COP1: variants seen among roughly 807,000 people sequenced by gnomAD.
The protein encoded by COP1 is COP1 E3 ubiquitin ligase, also known as E3 ubiquitin-protein ligase COP1.
COP1 carries 24 observed loss-of-function variants against 101.3 expected under a neutral mutation model. That is an observed-to-expected ratio of 0.24 (90% CI 0.17 to 0.33). COP1 has a LOEUF of 0.33. Among genes scored for constraint, COP1 ranks in the 10% least tolerant of loss-of-function variants. The pLI, the probability that COP1 is intolerant of heterozygous loss-of-function variation, is 1.00. For missense variants in COP1, 663 were observed against 906.2 expected, an observed-to-expected ratio of 0.73 and a Z score of 3.45; for synonymous variants, 347 against 341.9, an observed-to-expected ratio of 1.01 and a Z score of -0.17.
intron 18 of COP1, among the ~76,000 whole-genome samples, chr1:175,964,774 G>A (rs1651792293): frequency 6.6e-6 from 1 of 152,164 alleles, no homozygotes; most frequent in African/African-American, 2.4e-5. Context: ...GAGAAACATG[G>A]CTGAATTTAA....
At chr1:176,067,109 G>A (rs765079452) in intron 11 of COP1, among the ~76,000 whole-genome samples, 2 of 152,120 alleles carry the variant, frequency 1.3e-5, no homozygotes, top group African/African-American at 2.4e-5. Flanking sequence ...GTAGATATAT[G>A]CCATATATTA....
rs1652023213 is a variant in COP1 at position 175,966,293 on chromosome 1, A to G, written c.2134-19054T>C. 4.2e-5 allele frequency among the ~76,000 whole-genome samples: 5 copies of G among 118,284 alleles called. No individual in the cohort carries two copies. The Admixed American group carries it at 4.5e-4, about 11-fold the overall frequency. The allele number at this position is 118,284 out of a possible 152,430, so 77.6% of individuals were successfully genotyped here. On this transcript the variant is annotated intron_variant, in intron 18 of 19. Transcript: ENST00000367669. ...TTGTGTTTGCAATACACACACACAC[A>G]CACACACACACACACACACACAAAC... is the stretch of plus-strand genomic sequence containing the variant.
At chr1:175,995,942 C>A (rs1326640394) in intron 15 of COP1, among the ~76,000 whole-genome samples, 1 of 151,964 alleles carries the variant, frequency 6.6e-6, no homozygotes, top group East Asian at 1.9e-4. Flanking sequence ...GAGACACAAC[C>A]AAAAAAGAGA....
chr1:175,956,766 C>T (rs1650705760), intron 18 of COP1, among the ~76,000 whole-genome samples: 1 of 152,036 alleles, frequency 6.6e-6, no homozygotes, highest in African/African-American at 2.4e-5. Context: ...GATTATACTC[C>T]TTCTACTTAT....
At chr1:176,097,399 C>T (rs1204320872) in intron 9 of COP1, among the ~76,000 whole-genome samples, 1 of 152,086 alleles carries the variant, frequency 6.6e-6, no homozygotes, top group East Asian at 1.9e-4. Flanking sequence ...GCCTTAGAAG[C>T]TGAATGTTTT....
At chr1:176,042,205 A>G (rs1439015000) in intron 14 of COP1, among the ~76,000 whole-genome samples, 3 of 138,336 alleles carry the variant, frequency 2.2e-5, no homozygotes, top group African/African-American at 8.1e-5. Context: ...CGGGAGGTGG[A>G]GGTTGCAGTG....
At chr1:176,153,805 T>C (rs1433796277) in intron 5 of COP1, among the ~76,000 whole-genome samples, 3 of 152,232 alleles carry the variant, frequency 2.0e-5, no homozygotes, top group Non-Finnish European at 4.4e-5. Context: ...GAAGGAGGGC[T>C]GAATTTTGTT....
chr1:176,033,849 T>C (rs922367289), intron 14 of COP1, among the ~76,000 whole-genome samples: 1 of 152,102 alleles, frequency 6.6e-6, no homozygotes, highest in African/African-American at 2.4e-5. Flanking sequence ...ATACAAAATA[T>C]AGAAAATAAG....
intron 11 of COP1, among the ~76,000 whole-genome samples, chr1:176,047,412 T>A (rs1004059939): frequency 1.3e-5 from 2 of 152,146 alleles, no homozygotes; most frequent in East Asian, 3.9e-4. Flanking sequence ...AGTCAATCTG[T>A]AAGTGGCTGA....
At chr1:175,958,761 C>G (rs1459619695) in intron 18 of COP1, among the ~76,000 whole-genome samples, 2 of 151,862 alleles carry the variant, frequency 1.3e-5, no homozygotes, top group African/African-American at 4.8e-5. Context: ...CCTATAAAAA[C>G]TTACCCAACT....
At chr1:175,972,496 G>C (rs1419484442) in intron 18 of COP1, among the ~76,000 whole-genome samples, 1 of 143,236 alleles carries the variant, frequency 7.0e-6, no homozygotes, top group Non-Finnish European at 1.5e-5. Context: ...GACAGAGTCT[G>C]GCTGTGTTGC....
At chr1:176,046,094 C>T (rs1366734184) in intron 12 of COP1, 87 bp downstream of exon 12, 2 of 1,042,736 alleles carry the variant, frequency 1.9e-6, no homozygotes, top group African/African-American at 1.6e-5. Flanking sequence ...TAAAAAGTGT[C>T]ATGCAAAGGT....
At chr1:176,198,871 G>A (rs765051539) in intron 1 of COP1, among the ~76,000 whole-genome samples, 39 of 152,154 alleles carry the variant, frequency 2.6e-4, no homozygotes, top group Non-Finnish European at 5.0e-4. Context: ...ACATAACAAT[G>A]TGATAAAACT....
At chr1:176,086,788 C>T (rs944979850) in intron 9 of COP1, among the ~76,000 whole-genome samples, 2 of 152,142 alleles carry the variant, frequency 1.3e-5, no homozygotes, top group Non-Finnish European at 2.9e-5. Context: ...CAAAAAAGAG[C>T]CCACATTGCC....
chr1:176,178,972 T>A (rs1002930409), intron 2 of COP1, among the ~76,000 whole-genome samples: 7 of 145,076 alleles, frequency 4.8e-5, no homozygotes, highest in Non-Finnish European at 9.1e-5. Context: ...GTCAGGAGAA[T>A]TTTTTTTTTT....
chr1:176,196,051 A>G (rs1190963975), intron 1 of COP1, among the ~76,000 whole-genome samples: 1 of 152,240 alleles, frequency 6.6e-6, no homozygotes, highest in African/African-American at 2.4e-5. Context: ...CATGTTTCAA[A>G]TAAGAAATCA....
intron 18 of COP1, among the ~76,000 whole-genome samples, chr1:175,955,963 T>C (rs549326927): frequency 2.6e-5 from 4 of 152,268 alleles, no homozygotes; most frequent in African/African-American, 7.2e-5. Flanking sequence ...ATTAAAATCA[T>C]ACAAACTTTT....
At chr1:176,033,403 G>A (rs942417795) in intron 14 of COP1, among the ~76,000 whole-genome samples, 1 of 151,904 alleles carries the variant, frequency 6.6e-6, no homozygotes, top group Admixed American at 6.6e-5. Flanking sequence ...CTCCAGCCTG[G>A]GCAACAAGAG....
At chr1:176,032,487 T>C (rs1011307454) in intron 14 of COP1, among the ~76,000 whole-genome samples, 5 of 152,252 alleles carry the variant, frequency 3.3e-5, no homozygotes, top group African/African-American at 1.2e-4. Context: ...CACACAGTTT[T>C]GGAGGTCAAG....
Sources: allele counts gnomAD v4.1 joint callset (sites outside exome capture counted in the v4.1 genomes callset), GRCh38; gene constraint gnomAD v4.1.1; transcripts MANE v1.5; gene names NCBI Gene and HGNC (gene_info 2026-07-23, HGNC 2026-07-21).